TNPO1: variants seen among roughly 807,000 people sequenced by gnomAD.
The protein encoded by TNPO1 is transportin 1, also known as transportin-1.
In TNPO1, 8 loss-of-function variants were observed where a neutral mutation model predicts 119.5. The ratio of observed to expected loss-of-function variants is 0.07; its 90% confidence interval spans 0.04 to 0.12. The LOEUF (loss-of-function observed/expected upper bound fraction) is 0.12. Ranked by LOEUF, TNPO1 falls within the 10% of genes least tolerant of loss-of-function variation. The probability of loss-of-function intolerance (pLI) is 1.00; values close to 1 mark genes in which losing one functional copy is unlikely to be tolerated. For missense variants in TNPO1, 576 were observed against 1,089.8 expected, an observed-to-expected ratio of 0.53 and a Z score of 6.64; for synonymous variants, 362 against 363.0, an observed-to-expected ratio of 1.00 and a Z score of 0.03.
rs1015660722 is a variant in TNPO1, at chr5:72,823,295, C to G, written c.15+6543C>G. On this transcript the variant is annotated intron_variant, in intron 1 of 24. Transcript: ENST00000337273. ...TATGTCATAAAGGCCCACTGTCCCA[C>G]TCTCCAGTCTTTATATTGAAATTGA... 2.6e-5 allele frequency among the ~76,000 whole-genome samples: 4 copies of G among 152,148 alleles called. No homozygotes were observed. In the East Asian group the frequency reaches 5.8e-4, roughly 22 times the overall value.
At chr5:72,899,776 C>G (rs1003115588) in intron 20 of TNPO1, among the ~76,000 whole-genome samples, 1 of 151,726 alleles carries the variant, frequency 6.6e-6, no homozygotes, top group African/African-American at 2.4e-5. Context: ...TTTTTAATTC[C>G]TTTTGTTTTT....
At position 72,855,900 on chromosome 5, in the gene TNPO1, C is replaced by G. The variant is rs1323113349; in HGVS notation, c.332C>G (p.Ser111Cys). 4 of 1,613,560 alleles carry G rather than the reference C, an allele frequency of 2.5e-6. No homozygotes were observed. The Admixed American group carries it at 6.7e-5, about 27-fold the overall frequency. ...SECLNNIGDSSPLIRATVGIL... is the reference protein window; with the variant it reads ...SECLNNIGDSCPLIRATVGIL... ...TGTTTAAATAATATTGGTGACTCCT[C>G]TCCTCTGATTAGAGCCACTGTTGGT... is the stretch of plus-strand genomic sequence containing the variant. The change falls in exon 4 of 25, where the codon TCT becomes TGT. Residue 111 changes from serine to cysteine, a missense_variant. Around this residue, in one of 6 missense-constraint regions of TNPO1, gnomAD observed 310 missense variants for 583.0 expected, o/e 0.53. Coordinates refer to ENST00000337273, the MANE Select transcript of TNPO1 (RefSeq NM_002270.4).
At chr5:72,887,560 C>T (rs1748740307) in intron 12 of TNPO1, among the ~76,000 whole-genome samples, 2 of 152,198 alleles carry the variant, frequency 1.3e-5, no homozygotes, top group Admixed American at 1.3e-4. Flanking sequence ...TGGCATGTGC[C>T]TGTAGTCCCA....
chr5:72,844,831 G>T (rs1474123752), intron 1 of TNPO1, among the ~76,000 whole-genome samples: 4 of 152,200 alleles, frequency 2.6e-5, no homozygotes, highest in Non-Finnish European at 4.4e-5. Context: ...CAACAAGGAA[G>T]AAGCTATATA....
rs1215762045 is a variant in TNPO1, at chr5:72,881,740, CA to C, written c.921-726del. ...ACCCTTTATCTTGCCCCAAAACTTA[CA>C]GATAGTAATTTCATATGAGCTGTTC... On this transcript the variant is annotated intron_variant, in intron 9 of 24. Coordinates refer to ENST00000337273, the MANE Select transcript of TNPO1 (RefSeq NM_002270.4). 2.4e-4 allele frequency among the ~76,000 whole-genome samples: 36 copies of C among 152,290 alleles called. 2 individuals carry two copies. Among genetic ancestry groups the C allele is most frequent in the Admixed American group, 2.6e-4 (4 of 15,298 alleles).
intron 1 of TNPO1, among the ~76,000 whole-genome samples, chr5:72,824,869 A>G (rs1744134617): frequency 6.6e-6 from 1 of 152,160 alleles, no homozygotes; most frequent in African/African-American, 2.4e-5. Context: ...TTAATAATAG[A>G]CATCAAAGTC....
chr5:72,862,942 C>A (rs533253814), intron 5 of TNPO1, among the ~76,000 whole-genome samples: 1 of 151,338 alleles, frequency 6.6e-6, no homozygotes, highest in Non-Finnish European at 1.5e-5. Flanking sequence ...GCCACTGCGC[C>A]GGACCATTGT....
chr5:72,829,053 G>A (rs763235429), intron 1 of TNPO1, among the ~76,000 whole-genome samples: 1 of 152,170 alleles, frequency 6.6e-6, no homozygotes, highest in African/African-American at 2.4e-5. Context: ...TTGTGATAGG[G>A]TTGAGTTGGC....
rs1006234194 is a variant in TNPO1 at position 72,909,716 on chromosome 5, A to G, written c.*1043A>G. On this transcript the variant is annotated 3_prime_UTR_variant, in exon 25 of 25. Coordinates refer to ENST00000337273, the MANE Select transcript of TNPO1 (RefSeq NM_002270.4). ...TAAAGTTCCTTTTTAAGATTTGTGG[A>G]TTTTATTTTTATTAAGAACATAGAT... 2.0e-4 allele frequency: 30 copies of G among 152,478 alleles called. No homozygotes were observed. The highest frequency in any genetic ancestry group is 7.2e-4 in the African/African-American group (30 of 41,400). The allele number at this position is 152,478 out of a possible 1,614,324, so 9.4% of individuals were successfully genotyped here. A position where few individuals can be genotyped will look rare whatever the true frequency, so the allele number is the denominator to read the frequency against.
At chr5:72,816,798 C>A (rs1458875761) in intron 1 of TNPO1, 46 bp downstream of exon 1, 5 of 1,559,462 alleles carry the variant, frequency 3.2e-6, no homozygotes. Context: ...GGGGCGGGAA[C>A]GGAGGCTGGG....
chr5:72,886,945 T>A, intron 11 of TNPO1, 125 bp from the exon 12 acceptor site: 9 of 581,130 alleles, frequency 1.5e-5, no homozygotes, highest in Non-Finnish European at 2.0e-5. Context: ...AACTACCTCC[T>A]ATTCAATTGA....
At position 72,876,588 on chromosome 5, in the gene TNPO1, C is replaced by G. The variant is rs180969205; in HGVS notation, c.802-640C>G. On this transcript the variant is annotated intron_variant, in intron 8 of 24. Transcript: ENST00000337273. ...GAGACAGCTTGAGTAGTTGTAGAGT[C>G]TTCATTTTAAGAAATATATAATGAG... Among the ~76,000 whole-genome samples the G allele has an allele frequency of 2.0e-3, 303 of 152,114 alleles. 3 individuals carry two copies. The highest frequency in any genetic ancestry group is 7.1e-3 in the African/African-American group (293 of 41,484).
rs1748241948 is a variant in TNPO1 at position 72,881,448 on chromosome 5, C to T, written c.921-1019C>T. On this transcript the variant is annotated intron_variant, in intron 9 of 24. Coordinates refer to ENST00000337273, the MANE Select transcript of TNPO1 (RefSeq NM_002270.4). The stretch of plus-strand genomic sequence containing the variant: ...ATACTAACCCAAAACTTCTATCTAC[C>T]CTGCTCTAGACTAATTGAACTCTGA... Among the ~76,000 whole-genome samples the T allele has an allele frequency of 2.6e-5, 4 of 152,242 alleles. No homozygotes were observed. The South Asian group carries it at 8.3e-4, about 32-fold the overall frequency.
chr5:72,904,888 G>A (rs181940077), intron 23 of TNPO1, among the ~76,000 whole-genome samples: 138 of 152,326 alleles, frequency 9.1e-4, no homozygotes, highest in Non-Finnish European at 1.5e-3. Context: ...GGTTGGGGAG[G>A]CCTCACTGTC....
chr5:72,863,567 G>C (rs894004052), intron 5 of TNPO1, among the ~76,000 whole-genome samples: 1 of 152,092 alleles, frequency 6.6e-6, no homozygotes, highest in Admixed American at 6.6e-5. Context: ...TGAGAGACCA[G>C]CCTGGCCAAC....
intron 13 of TNPO1, among the ~76,000 whole-genome samples, chr5:72,889,032 A>G (rs910606111): frequency 6.6e-6 from 1 of 152,116 alleles, no homozygotes; most frequent in Non-Finnish European, 1.5e-5. Flanking sequence ...GTAGGAAAAA[A>G]TAACTGTTGA....
chr5:72,860,047 C>G (rs1478913028), intron 4 of TNPO1, among the ~76,000 whole-genome samples: 3 of 152,098 alleles, frequency 2.0e-5, no homozygotes, highest in African/African-American at 4.8e-5. Context: ...TACATTAATT[C>G]TTACTATACA....
chr5:72,865,490 G>T, intron 5 of TNPO1, 106 bp from the exon 6 acceptor site: 2 of 1,235,928 alleles, frequency 1.6e-6, no homozygotes. Flanking sequence ...GGCATTTTAT[G>T]TGGGCTGAGA....
chr5:72,869,538 C>A (rs570659863), intron 6 of TNPO1, among the ~76,000 whole-genome samples: 2 of 152,048 alleles, frequency 1.3e-5, no homozygotes, highest in Non-Finnish European at 2.9e-5. Context: ...CAGAGTGAGA[C>A]TCCATCTCAA....
Sources: allele counts gnomAD v4.1 joint callset (sites outside exome capture counted in the v4.1 genomes callset), GRCh38; gene constraint gnomAD v4.1.1; regional missense constraint gnomAD v4.1.1; transcripts MANE v1.5; gene names NCBI Gene and HGNC (gene_info 2026-07-23, HGNC 2026-07-21).